EMID1: variants seen among roughly 807,000 people sequenced by gnomAD.
EMID1 encodes EMI domain-containing protein 1.
A neutral mutation model predicts 60.6 loss-of-function variants in EMID1; 40 were observed. The ratio of observed to expected loss-of-function variants is 0.66; its 90% CI spans 0.51 to 0.86. The LOEUF (loss-of-function observed/expected upper bound fraction) is 0.86. Ranked by LOEUF, EMID1 falls within the 40% of genes least tolerant of loss-of-function variation. The probability of loss-of-function intolerance (pLI) is 0.00; values close to 1 mark genes in which losing one functional copy is unlikely to be tolerated. For missense variants in EMID1, 585 were observed against 597.1 expected (o/e 0.98, Z 0.21); for synonymous variants, 242 against 231.0 (o/e 1.05, Z -0.43).
intron 13 of EMID1, among the ~76,000 whole-genome samples, chr22:29,244,447 A>G (rs2041254972): frequency 6.6e-6 from 1 of 151,966 alleles, no homozygotes; most frequent in South Asian, 2.1e-4. Context: ...AAAATACAAA[A>G]ATACAAAATT....
chr22:29,244,702 G>A (rs1225644828), intron 13 of EMID1, among the ~76,000 whole-genome samples: 1 of 151,920 alleles, frequency 6.6e-6, no homozygotes, highest in Non-Finnish European at 1.5e-5. Flanking sequence ...TCATTGCAGG[G>A]GAGGGATTTT....
intron 5 of EMID1, among the ~76,000 whole-genome samples, chr22:29,229,583 C>T (rs934501659): frequency 9.5e-5 from 14 of 146,920 alleles, no homozygotes; most frequent in Admixed American, 4.2e-4. Flanking sequence ...GCGGAGGTTG[C>T]GGTGAGCCAA....
intron 14 of EMID1, among the ~76,000 whole-genome samples, chr22:29,258,266 G>C (rs1158247911): frequency 6.6e-6 from 1 of 152,168 alleles, no homozygotes; most frequent in Non-Finnish European, 1.5e-5. Context: ...GGTTTTGAAG[G>C]ATGAGTAGTT....
At chr22:29,246,420 G>A (rs1320153072) in intron 13 of EMID1, among the ~76,000 whole-genome samples, 2 of 152,004 alleles carry the variant, frequency 1.3e-5, no homozygotes, top group Non-Finnish European at 2.9e-5. Flanking sequence ...GAAGCAGAAA[G>A]ACAGTAGGTC....
chr22:29,226,348 C>A, intron 4 of EMID1, 142 bp from the exon 5 acceptor site: 1 of 857,238 alleles, frequency 1.2e-6, no homozygotes, highest in Non-Finnish European at 1.8e-6. Flanking sequence ...ATCCTATAGC[C>A]CTTCCCAAGC....
intron 1 of EMID1, among the ~76,000 whole-genome samples, chr22:29,209,644 G>A (rs908156768): frequency 2.6e-5 from 4 of 152,180 alleles, no homozygotes; most frequent in African/African-American, 9.7e-5. Context: ...GCACCTGCGT[G>A]AGTGAGTAAA....
intron 1 of EMID1, among the ~76,000 whole-genome samples, chr22:29,214,404 G>A (rs1395895923): frequency 6.6e-6 from 1 of 152,168 alleles, no homozygotes; most frequent in Non-Finnish European, 1.5e-5. Flanking sequence ...CAGGCAGAGG[G>A]CCCAGCACCA....
chr22:29,216,104 C>T (rs188558334), intron 3 of EMID1, among the ~76,000 whole-genome samples: 1 of 152,234 alleles, frequency 6.6e-6, no homozygotes, highest in African/African-American at 2.4e-5. Context: ...CACTCCCCGC[C>T]CCCCCACCCC....
intron 12 of EMID1, 74 bp from the exon 13 acceptor site, chr22:29,243,371 C>T: frequency 6.8e-7 from 1 of 1,465,504 alleles, no homozygotes; most frequent in Non-Finnish European, 9.4e-7. Flanking sequence ...CGCTCTTTTT[C>T]CTCCCTCTTT....
chr22:29,226,761 C>G (rs534356286), intron 5 of EMID1, among the ~76,000 whole-genome samples: 1 of 152,310 alleles, frequency 6.6e-6, no homozygotes, highest in South Asian at 2.1e-4. Flanking sequence ...AGCCTGCTCA[C>G]AGGTCGTGCC....
chr22:29,226,415 C>A, intron 4 of EMID1, 75 bp from the exon 5 acceptor site: 1 of 1,517,500 alleles, frequency 6.6e-7, no homozygotes, highest in Non-Finnish European at 8.9e-7. Flanking sequence ...TCCATCCCAA[C>A]CCCCAGAGAC....
intron 12 of EMID1, among the ~76,000 whole-genome samples, chr22:29,235,601 A>G (rs1175661718): frequency 2.0e-5 from 3 of 151,462 alleles, no homozygotes; most frequent in African/African-American, 7.3e-5. Flanking sequence ...GGGTTTCCCT[A>G]TGTGCCTAGG....
At chr22:29,243,665 T>C (rs1432096214) in intron 13 of EMID1, among the ~76,000 whole-genome samples, 176 bp downstream of exon 13, 2 of 152,240 alleles carry the variant, frequency 1.3e-5, no homozygotes, top group African/African-American at 4.8e-5. Flanking sequence ...TCCCCCATCT[T>C]GTTGCTCCCA....
At chr22:29,244,162 G>A (rs777115304) in intron 13 of EMID1, among the ~76,000 whole-genome samples, 3 of 152,156 alleles carry the variant, frequency 2.0e-5, no homozygotes, top group Non-Finnish European at 4.4e-5. Context: ...ATACATAGGA[G>A]ACCCATGATG....
chr22:29,244,345 C>T (rs1260682296), intron 13 of EMID1, among the ~76,000 whole-genome samples: 2 of 152,152 alleles, frequency 1.3e-5, no homozygotes, highest in East Asian at 1.9e-4. Flanking sequence ...AATCCCAGCA[C>T]TCTTGGAGGC....
At chr22:29,227,704 C>CAAAAAA (rs560219761) in intron 5 of EMID1, among the ~76,000 whole-genome samples, 6 of 88,950 alleles carry the variant, frequency 6.7e-5, no homozygotes, top group Non-Finnish European at 1.0e-4. Context: ...GACTCTGTCT[C>CAAAAAA]AAAAAAAAAA....
chr22:29,258,721 C>T (rs933645345), intron 14 of EMID1, 96 bp from the exon 15 acceptor site: 26 of 1,512,116 alleles, frequency 1.7e-5, no homozygotes, highest in African/African-American at 4.2e-5. Context: ...CCTGGCAGAG[C>T]GTGCCCGGTT....
intron 12 of EMID1, among the ~76,000 whole-genome samples, chr22:29,242,386 A>T (rs898948172): frequency 6.6e-6 from 1 of 152,168 alleles, no homozygotes; most frequent in East Asian, 1.9e-4. Flanking sequence ...TATAATTTAT[A>T]TATCTCTCCT....
At chr22:29,218,043 G>A (rs2040149607) in intron 3 of EMID1, among the ~76,000 whole-genome samples, 1 of 152,004 alleles carries the variant, frequency 6.6e-6, no homozygotes, top group Non-Finnish European at 1.5e-5. Flanking sequence ...TGTGACTTGG[G>A]GCAAGTCACT....
Sources: gnomAD v4.1 joint callset for allele counts (sites outside exome capture counted in the v4.1 genomes callset) on GRCh38, gnomAD v4.1.1 for gene constraint, MANE v1.5 for transcripts, NCBI Gene and HGNC (gene_info 2026-07-23, HGNC 2026-07-21) for gene names.